CDH13: variants seen among roughly 807,000 people sequenced by gnomAD.
CDH13 encodes cadherin 13.
A neutral mutation model predicts 63.8 loss-of-function variants in CDH13; 24 were observed. The ratio of observed to expected loss-of-function variants is 0.38; its 90% confidence interval spans 0.27 to 0.53. The LOEUF (loss-of-function observed/expected upper bound fraction) is 0.53, where lower values mean the gene tolerates loss of function less well. CDH13 is among the 20% of genes least tolerant of loss of function. CDH13 has a pLI of 0.85. For missense variants in CDH13, 1,049 were observed against 903.1 expected (o/e 1.16, Z -2.07); for synonymous variants, 503 against 355.3 (o/e 1.42, Z -4.67).
At chr16:83,340,158 G>A (rs375082714) in intron 5 of CDH13, among the ~76,000 whole-genome samples, 1 of 152,186 alleles carries the variant, frequency 6.6e-6, no homozygotes, top group South Asian at 2.1e-4. Flanking sequence ...AAAGTGATCA[G>A]ACAAAATATG....
intron 7 of CDH13, among the ~76,000 whole-genome samples, chr16:83,514,665 A>G (rs556974054): frequency 1.6e-4 from 24 of 152,240 alleles, no homozygotes; most frequent in Non-Finnish European, 2.9e-5. Context: ...AGAGAAGAAG[A>G]GGAGAGAGAC....
intron 1 of CDH13, among the ~76,000 whole-genome samples, chr16:82,772,510 G>A (rs2035310207): frequency 6.6e-6 from 1 of 152,254 alleles, no homozygotes; most frequent in African/African-American, 2.4e-5. Flanking sequence ...TCAGAGCAAG[G>A]TCTCTCAACC....
intron 6 of CDH13, among the ~76,000 whole-genome samples, chr16:83,419,915 T>G (rs1019520080): frequency 2.2e-5 from 1 of 45,050 alleles, no homozygotes; most frequent in African/African-American, 5.3e-5. Flanking sequence ...TCGTCCAATC[T>G]TTTTTTTTTT....
chr16:83,514,940 G>T (rs1003475624), intron 7 of CDH13, among the ~76,000 whole-genome samples: 1 of 152,154 alleles, frequency 6.6e-6, no homozygotes, highest in Non-Finnish European at 1.5e-5. Context: ...AGTTACTGCA[G>T]CTCCTGGACA....
At chr16:82,867,813 G>A (rs1024059058) in intron 2 of CDH13, among the ~76,000 whole-genome samples, 6 of 152,198 alleles carry the variant, frequency 3.9e-5, no homozygotes, top group African/African-American at 1.4e-4. Flanking sequence ...ATTTCATGTG[G>A]ATAGTAATAA....
intron 7 of CDH13, among the ~76,000 whole-genome samples, chr16:83,507,280 C>T (rs1182021289): frequency 6.6e-5 from 10 of 152,204 alleles, no homozygotes; most frequent in Admixed American, 6.5e-4. Flanking sequence ...TTCTAGGCTT[C>T]TTGAGAAAGT....
chr16:83,623,048 C>A (rs1466526583), intron 8 of CDH13, among the ~76,000 whole-genome samples: 1 of 152,182 alleles, frequency 6.6e-6, no homozygotes, highest in Non-Finnish European at 1.5e-5. Context: ...AAGGTCAGCT[C>A]ATGAAGTGAC....
At position 82,710,552 on chromosome 16, in the gene CDH13, A is replaced by AATAT. The variant is rs1555537840; in HGVS notation, c.45+83437_45+83440dup. On this transcript the variant is annotated intron_variant, in intron 1 of 13. Transcript: ENST00000567109. ...TGTCTCAAAAAAAAAAAAAAAAAAA[A>AATAT]ATATATATATATATATATATATATA... Among the ~76,000 whole-genome samples the AATAT allele has an allele frequency of 5.0e-3, 321 of 63,734 alleles. 3 individuals carry two copies. Among genetic ancestry groups the AATAT allele is most frequent in the Middle Eastern group, 0.018 (1 of 56 alleles). 41.8% of individuals were successfully genotyped at this position (63,734 alleles called of 152,430 possible).
chr16:83,403,378 C>G (rs1289258016), intron 6 of CDH13, among the ~76,000 whole-genome samples: 2 of 152,106 alleles, frequency 1.3e-5, no homozygotes, highest in Non-Finnish European at 2.9e-5. Context: ...AAATTTAGCA[C>G]TTTGGGAGGC....
intron 6 of CDH13, among the ~76,000 whole-genome samples, chr16:83,423,722 T>A (rs2071789619): frequency 6.6e-6 from 1 of 152,180 alleles, no homozygotes; most frequent in South Asian, 2.1e-4. Context: ...TAAACCCTAA[T>A]AAATATGTAG....
At chr16:82,937,419 GCACACACACACA>G (rs748594526) in intron 2 of CDH13, among the ~76,000 whole-genome samples, 1 of 149,006 alleles carries the variant, frequency 6.7e-6, no homozygotes, top group South Asian at 2.1e-4. Context: ...ACATACACAT[GCACACACACACA>G]CACACAGACA....
intron 2 of CDH13, among the ~76,000 whole-genome samples, chr16:82,864,780 A>G (rs764236190): frequency 1.3e-5 from 2 of 152,108 alleles, no homozygotes; most frequent in African/African-American, 2.4e-5. Context: ...CACATTCTCA[A>G]CAGTTCCCGA....
chr16:83,253,107 TG>T (rs1905782734), intron 5 of CDH13, among the ~76,000 whole-genome samples: 1 of 152,306 alleles, frequency 6.6e-6, no homozygotes, highest in East Asian at 1.9e-4. Context: ...AATCTGGTGG[TG>T]GTGTCCTCCT....
At chr16:82,739,783 G>C (rs756678864) in intron 1 of CDH13, among the ~76,000 whole-genome samples, 1 of 152,128 alleles carries the variant, frequency 6.6e-6, no homozygotes, top group Non-Finnish European at 1.5e-5. Flanking sequence ...TGAATGGTGA[G>C]ATAAATATAT....
chr16:82,671,419 G>GAGT (rs2150944291), intron 1 of CDH13, among the ~76,000 whole-genome samples: 1 of 152,286 alleles, frequency 6.6e-6, no homozygotes, highest in African/African-American at 2.4e-5. Context: ...ATGTTCAAGG[G>GAGT]AGTAATTCCT....
intron 5 of CDH13, among the ~76,000 whole-genome samples, chr16:83,249,249 A>G (rs2113293): frequency 0.99 from 151,401 of 152,294 alleles, 75,262 homozygotes; most frequent in Non-Finnish European, 1. Flanking sequence ...AGTGGTTGGC[A>G]CGCTTGAGCC....
chr16:83,686,077 C>T (rs1465162647), intron 10 of CDH13, among the ~76,000 whole-genome samples: 1 of 152,144 alleles, frequency 6.6e-6, no homozygotes, highest in Non-Finnish European at 1.5e-5. Flanking sequence ...GAGAGAGAAC[C>T]TCCCTGAGCC....
At chr16:83,252,827 A>G (rs545679632) in intron 5 of CDH13, among the ~76,000 whole-genome samples, 3 of 152,100 alleles carry the variant, frequency 2.0e-5, no homozygotes, top group African/African-American at 7.2e-5. Flanking sequence ...CCTAGCCCCA[A>G]AAATCCATAC....
intron 7 of CDH13, among the ~76,000 whole-genome samples, chr16:83,596,254 G>A (rs1249995141): frequency 2.0e-5 from 3 of 152,174 alleles, no homozygotes; most frequent in African/African-American, 4.8e-5. Context: ...CTTCCTCATG[G>A]GCAGAGAGAA....
Sources: gnomAD v4.1 joint callset for allele counts (sites outside exome capture counted in the v4.1 genomes callset) on GRCh38, gnomAD v4.1.1 for gene constraint, MANE v1.5 for transcripts, NCBI Gene and HGNC (gene_info 2026-07-23, HGNC 2026-07-21) for gene names.